Variants in ARSB observed in about 807,000 individuals in gnomAD.
ARSB encodes arylsulfatase B.
In ARSB, 41 loss-of-function variants were observed where a neutral mutation model predicts 50.9. The observed-to-expected ratio is 0.81, with a 90% CI of 0.63 to 1.04. The LOEUF (loss-of-function observed/expected upper bound fraction) is 1.04, where lower values mean the gene tolerates loss of function less well. ARSB is among the 50% of genes least tolerant of loss of function. The pLI, the probability that ARSB is intolerant of heterozygous loss-of-function variation, is 0.00. For missense variants in ARSB, 672 were observed against 693.3 expected (o/e 0.97, Z 0.35); for synonymous variants, 269 against 284.8 (o/e 0.94, Z 0.56).
intron 4 of ARSB, among the ~76,000 whole-genome samples, chr5:78,918,588 T>A (rs1240881637): frequency 6.6e-6 from 1 of 151,920 alleles, no homozygotes; most frequent in African/African-American, 2.4e-5. Flanking sequence ...CAAATACACA[T>A]CTAAAGAACT....
intron 4 of ARSB, among the ~76,000 whole-genome samples, chr5:78,937,436 G>C (rs1258402742): frequency 7.8e-6 from 1 of 128,174 alleles, no homozygotes; most frequent in Non-Finnish European, 1.6e-5. Context: ...TCATATATAT[G>C]ATATATATAT....
intron 3 of ARSB, among the ~76,000 whole-genome samples, chr5:78,962,944 G>C (rs1275733449): frequency 1.3e-5 from 2 of 152,128 alleles, no homozygotes; most frequent in African/African-American, 4.8e-5. Context: ...CACATACCAA[G>C]TCCAAACAGG....
intron 4 of ARSB, among the ~76,000 whole-genome samples, chr5:78,921,415 T>C (rs1333360326): frequency 6.6e-6 from 1 of 152,216 alleles, no homozygotes; most frequent in African/African-American, 2.4e-5. Context: ...TGTACATACA[T>C]ATGTATGTGT....
chr5:78,958,163 C>T (rs2112493200), intron 3 of ARSB, among the ~76,000 whole-genome samples: 1 of 152,208 alleles, frequency 6.6e-6, no homozygotes, highest in South Asian at 2.1e-4. Flanking sequence ...TGCTTCACTT[C>T]TTTAGGTTAG....
chr5:78,785,182 C>A (rs183565073), intron 6 of ARSB, among the ~76,000 whole-genome samples: 3 of 152,234 alleles, frequency 2.0e-5, no homozygotes, highest in East Asian at 3.9e-4. Context: ...TCATTAACTT[C>A]TTTTATCTTT....
chr5:78,982,477 G>A (rs1045137121), intron 1 of ARSB, among the ~76,000 whole-genome samples: 1 of 152,164 alleles, frequency 6.6e-6, no homozygotes, highest in Admixed American at 6.5e-5. Context: ...TCCTTGGGAT[G>A]TTATTTTTAA....
intron 2 of ARSB, among the ~76,000 whole-genome samples, chr5:78,966,707 T>C (rs1752218639): frequency 6.6e-6 from 1 of 152,212 alleles, no homozygotes; most frequent in African/African-American, 2.4e-5. Flanking sequence ...AATTTTTAAG[T>C]ACCTAACTTG....
chr5:78,882,291 G>A (rs1330808437), intron 5 of ARSB, among the ~76,000 whole-genome samples: 1 of 152,186 alleles, frequency 6.6e-6, no homozygotes, highest in Non-Finnish European at 1.5e-5. Flanking sequence ...GAAGGATTCT[G>A]GTTTCCATGG....
chr5:78,873,010 C>A (rs992433667), intron 5 of ARSB, among the ~76,000 whole-genome samples: 1 of 151,868 alleles, frequency 6.6e-6, no homozygotes, highest in Non-Finnish European at 1.5e-5. Context: ...AACTCAGCAT[C>A]TATGCAAAGT....
rs1326611322 is a variant in ARSB, at chr5:78,942,578, T to G, written c.898+12717A>C. Among the ~76,000 whole-genome samples the G allele has an allele frequency of 3.3e-5, 5 of 152,346 alleles. No individual in the cohort carries two copies. In the South Asian group the frequency reaches 8.3e-4, roughly 25 times the overall value. ...TCAGGAGCGGGTTGTTCGGTTTCCATGTAGTTGAATGGTTTTGAGTGAGTT... is the reference window on the plus strand; with the variant it reads ...TCAGGAGCGGGTTGTTCGGTTTCCAGGTAGTTGAATGGTTTTGAGTGAGTT... On this transcript the variant is annotated intron_variant, in intron 4 of 7. Transcript: ENST00000264914.
intron 6 of ARSB, among the ~76,000 whole-genome samples, chr5:78,790,582 A>C (rs1425155874): frequency 2.6e-5 from 4 of 152,212 alleles, no homozygotes; most frequent in African/African-American, 7.2e-5. Context: ...ATAATATCTA[A>C]TACTTAAATA....
chr5:78,867,460 G>A (rs1561470621), intron 5 of ARSB, among the ~76,000 whole-genome samples: 3 of 152,248 alleles, frequency 2.0e-5, no homozygotes, highest in Non-Finnish European at 2.9e-5. Flanking sequence ...CCAGCACGCA[G>A]CTGGAGATCT....
chr5:78,922,383 C>CA (rs1438968696), intron 4 of ARSB, among the ~76,000 whole-genome samples: 6 of 151,994 alleles, frequency 3.9e-5, no homozygotes, highest in Non-Finnish European at 8.8e-5. Flanking sequence ...GGGCACCAGA[C>CA]AGAGTCCTGA....
intron 4 of ARSB, among the ~76,000 whole-genome samples, chr5:78,928,065 C>T (rs1345586967): frequency 6.6e-6 from 1 of 152,146 alleles, no homozygotes; most frequent in Non-Finnish European, 1.5e-5. Flanking sequence ...GATGGAGGCA[C>T]ATCCTTCGGG....
intron 4 of ARSB, among the ~76,000 whole-genome samples, chr5:78,924,028 G>A (rs995038378): frequency 1.3e-5 from 2 of 152,050 alleles, no homozygotes; most frequent in Non-Finnish European, 2.9e-5. Flanking sequence ...CTGGACCTAC[G>A]GAACCTAAAC....
intron 4 of ARSB, among the ~76,000 whole-genome samples, chr5:78,913,390 C>G (rs1561498114): frequency 6.6e-6 from 1 of 152,066 alleles, no homozygotes; most frequent in African/African-American, 2.4e-5. Context: ...TCTCAAAGTG[C>G]TTGGGATTAC....
intron 4 of ARSB, among the ~76,000 whole-genome samples, chr5:78,922,930 C>T (rs957951336): frequency 6.6e-6 from 1 of 152,128 alleles, no homozygotes; most frequent in Non-Finnish European, 1.5e-5. Context: ...ACTATAATAA[C>T]AGATTCTTAA....
chr5:78,968,119 C>T (rs1213490167), intron 2 of ARSB, among the ~76,000 whole-genome samples: 1 of 151,766 alleles, frequency 6.6e-6, no homozygotes, highest in Non-Finnish European at 1.5e-5. Context: ...ATTTATTTGG[C>T]CTCCTCATTT....
At chr5:78,867,729 A>C (rs1746863097) in intron 5 of ARSB, among the ~76,000 whole-genome samples, 1 of 151,974 alleles carries the variant, frequency 6.6e-6, no homozygotes, top group African/African-American at 2.4e-5. Context: ...GAACAGAAAA[A>C]CTGGGAACTC....
Sources: allele counts gnomAD v4.1 joint callset (sites outside exome capture counted in the v4.1 genomes callset), GRCh38; gene constraint gnomAD v4.1.1; transcripts MANE v1.5; gene names NCBI Gene and HGNC (gene_info 2026-07-23, HGNC 2026-07-21).